The following ADAM29 variants were observed in gnomAD, a reference collection of about 807,000 sequenced individuals.
ADAM29 encodes ADAM metallopeptidase domain 29, also known as disintegrin and metalloproteinase domain-containing protein 29.
For missense variants in ADAM29, 969 were observed against 1,001.8 expected (o/e 0.97, Z 0.44); for synonymous variants, 367 against 342.3 (o/e 1.07, Z -0.80).
intron 4 of ADAM29, among the ~76,000 whole-genome samples, chr4:174,966,006 T>C (rs550941804): frequency 2.0e-5 from 3 of 152,316 alleles, no homozygotes; most frequent in Admixed American, 6.5e-5. Flanking sequence ...CTCTCGCAGA[T>C]ACCAAAACCC....
intron 4 of ADAM29, among the ~76,000 whole-genome samples, chr4:174,943,223 C>A (rs1354648511): frequency 6.6e-6 from 1 of 152,166 alleles, no homozygotes; most frequent in Non-Finnish European, 1.5e-5. Context: ...TTTCCCACAT[C>A]TTCCTGTCTT....
intron 4 of ADAM29, among the ~76,000 whole-genome samples, chr4:174,940,523 G>T (rs552546615): frequency 3.6e-4 from 54 of 151,964 alleles, no homozygotes; most frequent in Non-Finnish European, 6.2e-4. Context: ...AGAAAAAAGA[G>T]CCACACAAAG....
intron 3 of ADAM29, among the ~76,000 whole-genome samples, chr4:174,935,908 A>T (rs1364166148): frequency 1.3e-5 from 2 of 152,080 alleles, no homozygotes; most frequent in Non-Finnish European, 1.5e-5. Context: ...TTTGCTTACG[A>T]GAATTATGTT....
chr4:174,977,762 C>T lies in ADAM29; in HGVS notation c.2237C>T (p.Thr746Met), dbSNP rs142711835. 552 of 1,611,822 alleles carry T rather than the reference C, an allele frequency of 3.4e-4. 4 individuals carry two copies. The Middle Eastern group carries it at 6.3e-3, about 18-fold the overall frequency. ...VMPSQSQPPV[T>M]PSQSHPQVMP... ...CCTTCCCAGAGTCAACCTCCTGTGACGCCTTCCCAGAGTCATCCTCAGGTG... is the reference window on the plus strand; with the variant it reads ...CCTTCCCAGAGTCAACCTCCTGTGATGCCTTCCCAGAGTCATCCTCAGGTG... Residue 746 changes from threonine to methionine, a missense_variant, in exon 5 of 5, where the codon ACG becomes ATG. Coordinates refer to ENST00000359240, the MANE Select transcript of ADAM29 (RefSeq NM_014269.4).
chr4:174,941,800 C>G (rs1423200770), intron 4 of ADAM29, among the ~76,000 whole-genome samples: 9 of 152,138 alleles, frequency 5.9e-5, no homozygotes, highest in Admixed American at 5.9e-4. Context: ...CCCTCAAAGT[C>G]TTAACTCATT....
intron 2 of ADAM29, among the ~76,000 whole-genome samples, chr4:174,923,519 T>TGATATATATATA (rs546026641): frequency 8.2e-5 from 3 of 36,730 alleles, no homozygotes; most frequent in African/African-American, 1.7e-4. Context: ...ATACTGTGCA[T>TGATATATATATA]TATATGTATA....
chr4:174,927,871 G>A (rs1325883272), intron 2 of ADAM29, among the ~76,000 whole-genome samples: 1 of 152,086 alleles, frequency 6.6e-6, no homozygotes, highest in Non-Finnish European at 1.5e-5. Context: ...GATTCCTCTT[G>A]CTGGTGGAAT....
At chr4:174,932,387 A>G (rs189158301) in intron 3 of ADAM29, among the ~76,000 whole-genome samples, 1 of 152,342 alleles carries the variant, frequency 6.6e-6, no homozygotes, top group Admixed American at 6.5e-5. Flanking sequence ...TTAGTTTATA[A>G]CTTCAAATAT....
chr4:174,958,688 C>T (rs1307823139), intron 4 of ADAM29, among the ~76,000 whole-genome samples: 3 of 151,614 alleles, frequency 2.0e-5, no homozygotes, highest in South Asian at 2.1e-4. Flanking sequence ...TCTTTCATTA[C>T]GTTTGTTCTT....
At chr4:174,965,576 G>A (rs1051436136) in intron 4 of ADAM29, among the ~76,000 whole-genome samples, 1 of 151,800 alleles carries the variant, frequency 6.6e-6, no homozygotes, top group Non-Finnish European at 1.5e-5. Flanking sequence ...TAAGAAACAT[G>A]AGGTTAATTA....
intron 4 of ADAM29, among the ~76,000 whole-genome samples, chr4:174,954,761 A>T (rs1219872708): frequency 6.6e-6 from 1 of 152,182 alleles, no homozygotes. Flanking sequence ...GTAAAAACTG[A>T]GATGATCATC....
At chr4:174,967,046 G>A (rs193116871) in intron 4 of ADAM29, among the ~76,000 whole-genome samples, 24 of 152,204 alleles carry the variant, frequency 1.6e-4, no homozygotes, top group Admixed American at 1.4e-3. Context: ...GCTTTCATTT[G>A]TATGAGTTTG....
chr4:174,954,075 C>T (rs1159311316), intron 4 of ADAM29, among the ~76,000 whole-genome samples: 1 of 152,140 alleles, frequency 6.6e-6, no homozygotes, highest in Non-Finnish European at 1.5e-5. Context: ...ATAACTTTCC[C>T]TCATTTTCAA....
chr4:174,969,814 A>C (rs1746373161), intron 4 of ADAM29, among the ~76,000 whole-genome samples: 1 of 152,090 alleles, frequency 6.6e-6, no homozygotes, highest in Non-Finnish European at 1.5e-5. Context: ...AAAGTTGAGA[A>C]TCTTTACATA....
intron 4 of ADAM29, among the ~76,000 whole-genome samples, chr4:174,939,052 A>G (rs1405004203): frequency 3.3e-5 from 5 of 152,102 alleles, no homozygotes; most frequent in Admixed American, 3.3e-4. Context: ...GATTTAGGGC[A>G]CACAATAATC....
At chr4:174,947,443 T>G (rs1363882635) in intron 4 of ADAM29, among the ~76,000 whole-genome samples, 1 of 152,198 alleles carries the variant, frequency 6.6e-6, no homozygotes, top group Admixed American at 6.5e-5. Flanking sequence ...GTATGTTGTA[T>G]CATAGTTTTC....
intron 2 of ADAM29, among the ~76,000 whole-genome samples, chr4:174,925,759 CAAA>C (rs1743481813): frequency 6.6e-6 from 1 of 152,112 alleles, no homozygotes; most frequent in African/African-American, 2.4e-5. Context: ...TCCTGAGAAA[CAAA>C]GAAGTGAACC....
At chr4:174,958,584 G>T (rs527937790) in intron 4 of ADAM29, among the ~76,000 whole-genome samples, 2 of 151,712 alleles carry the variant, frequency 1.3e-5, no homozygotes, top group South Asian at 4.2e-4. Context: ...AATTTATCTA[G>T]GCTAATAATT....
At position 174,977,668 on chromosome 4, in the gene ADAM29, G is replaced by T; in HGVS notation, c.2143G>T (p.Ala715Ser). 6.2e-7 allele frequency: 1 copy of T among 1,614,228 alleles called. No individual in the cohort carries two copies. Among genetic ancestry groups the T allele is most frequent in the Non-Finnish European group, 8.5e-7 (1 of 1,180,040 alleles). ...GCAGCAAGATGTTCAAACTCCATCT[G>T]CAAAAGAAGAGGAAAAAATTCAGCG... ...KKQQDVQTPS[A>S]KEEEKIQRRP... Residue 715 changes from alanine (A) to serine (S), a missense_variant, in exon 5 of 5, where the codon GCA becomes TCA. Physicochemically the swap from Ala to Ser is moderately conservative, Grantham distance 99. Transcript: ENST00000359240.
Sources: allele counts gnomAD v4.1 joint callset (sites outside exome capture counted in the v4.1 genomes callset), GRCh38; gene constraint gnomAD v4.1.1; transcripts MANE v1.5; gene names NCBI Gene and HGNC (gene_info 2026-07-23, HGNC 2026-07-21).